Variants in SENP5 observed in about 807,000 individuals in gnomAD.
The protein encoded by SENP5 is SUMO specific peptidase 5, also known as sentrin-specific protease 5.
In SENP5, 21 loss-of-function variants were observed where a neutral mutation model predicts 74.2. That is an observed-to-expected ratio of 0.28 (90% CI 0.20 to 0.41). The LOEUF (loss-of-function observed/expected upper bound fraction) is 0.41. Among genes scored for constraint, SENP5 ranks in the 10% least tolerant of loss-of-function variants. The pLI, the probability that SENP5 is intolerant of heterozygous loss-of-function variation, is 1.00. For synonymous variants in SENP5, 311 were observed against 312.7 expected, an observed-to-expected ratio of 0.99 and a Z score of 0.06; for missense variants, 717 against 889.1, an observed-to-expected ratio of 0.81 and a Z score of 2.46.
chr3:196,878,023 T>C (rs1342672640), intron 1 of SENP5, among the ~76,000 whole-genome samples: 1 of 152,274 alleles, frequency 6.6e-6, no homozygotes, highest in South Asian at 2.1e-4. Flanking sequence ...ATTAAAACAA[T>C]GGAGGACTTA....
At chr3:196,911,121 A>C (rs1715106573) in intron 6 of SENP5, among the ~76,000 whole-genome samples, 1 of 152,230 alleles carries the variant, frequency 6.6e-6, no homozygotes, top group Non-Finnish European at 1.5e-5. Context: ...AAACCCTAGA[A>C]GAAAACCTAG....
At chr3:196,904,853 G>A (rs1714838904) in intron 6 of SENP5, 1 of 152,168 alleles carries the variant, frequency 6.6e-6, no homozygotes, top group African/African-American at 2.4e-5. Flanking sequence ...GGCAAGGAGT[G>A]TGTATGAGTG....
chr3:196,870,728 G>A (rs892088814), intron 1 of SENP5, among the ~76,000 whole-genome samples: 3 of 151,960 alleles, frequency 2.0e-5, no homozygotes, highest in South Asian at 2.1e-4. Context: ...ATGTTGGCCA[G>A]GCTGGTCTTG....
chr3:196,923,233 T>C (rs1200494661), intron 6 of SENP5, among the ~76,000 whole-genome samples, 181 bp from the exon 7 acceptor site: 3 of 152,262 alleles, frequency 2.0e-5, no homozygotes, highest in Non-Finnish European at 4.4e-5. Flanking sequence ...TATTGTTGTG[T>C]ATTATAGCTT....
Position 196,886,332 on chromosome 3 carries a change from C to T in SENP5, c.1151C>T (p.Thr384Ile), listed in dbSNP as rs779982031. 3.1e-6 allele frequency: 5 copies of T among 1,610,676 alleles called. No homozygotes were observed. The South Asian group carries it at 4.4e-5, about 14-fold the overall frequency. ...CCCTTACCAGAACATCGTTCTAATACCATGTTCATTTCAGAAACTGAAAGA... is the reference window on the plus strand; with the variant it reads ...CCCTTACCAGAACATCGTTCTAATATCATGTTCATTTCAGAAACTGAAAGA... ...DIPLPEHRSN[T>I]MFISETEREI... is the part of the protein sequence containing the mutation. The change falls in exon 2 of 10, where the codon ACC becomes ATC. Residue 384 changes from threonine to isoleucine, a missense_variant. By Grantham distance (89) the Thr-to-Ile change is moderately conservative. Around this residue, in one of 4 missense-constraint regions of SENP5, gnomAD observed 567 missense variants for 577.4 expected, o/e 0.98. Transcript: ENST00000323460.
At chr3:196,877,159 CTTAT>C in intron 1 of SENP5, among the ~76,000 whole-genome samples, 1 of 151,878 alleles carries the variant, frequency 6.6e-6, no homozygotes, top group Non-Finnish European at 1.5e-5. Context: ...ATCTTACTAC[CTTAT>C]TTTATTTTTT....
At position 196,931,172 on chromosome 3, in the gene SENP5, C is replaced by A; in HGVS notation, c.*249C>A. On this transcript the variant is annotated 3_prime_UTR_variant, in exon 10 of 10. Transcript: ENST00000323460. ...TCCCCCATATTTAATATTTATTATT[C>A]AAACGCATGCATATAGACAGAGCAT... 2 of 435,636 alleles carry A rather than the reference C, an allele frequency of 4.6e-6. No homozygotes were observed. The highest frequency in any genetic ancestry group is 8.4e-6 in the Non-Finnish European group (2 of 239,490). The allele number at this position is 435,636 out of a possible 1,614,324, so 27.0% of individuals were successfully genotyped here.
chr3:196,929,140 G>GT (rs1715925776), intron 8 of SENP5: 1 of 153,992 alleles, frequency 6.5e-6, no homozygotes, highest in East Asian at 1.9e-4. Context: ...GGGCGACAGA[G>GT]TGAGACCCTG....
Position 196,885,575 on chromosome 3 carries a change from A to C in SENP5, c.394A>C (p.Arg132=), listed in dbSNP as rs1447596673. The C allele has an allele frequency of 1.2e-6, 2 of 1,614,078 alleles. No individual in the cohort carries two copies. Among genetic ancestry groups the C allele is most frequent in the African/African-American group, 2.7e-5 (2 of 74,948 alleles). The part of the protein sequence containing the change: ...SAKNSDHEYC[R]EKNLLKAVTD... ...AAAGAATTCTGACCATGAATACTGC[A>C]GAGAGAAAAATCTCTTGAAGGCAGT... The change falls in exon 2 of 10, where the codon AGA becomes CGA. Residue 132 remains arginine (R), a synonymous_variant. Coordinates refer to ENST00000323460, the MANE Select transcript of SENP5 (RefSeq NM_152699.5).
intron 5 of SENP5, among the ~76,000 whole-genome samples, chr3:196,902,447 A>C (rs1033716387): frequency 1.3e-5 from 2 of 152,186 alleles, no homozygotes; most frequent in African/African-American, 4.8e-5. Context: ...TTCAGTCTGT[A>C]TGTTAAGCTG....
At chr3:196,890,226 A>G (rs1490297805) in intron 2 of SENP5, among the ~76,000 whole-genome samples, 1 of 152,204 alleles carries the variant, frequency 6.6e-6, no homozygotes, top group African/African-American at 2.4e-5. Context: ...GAAATAGACA[A>G]ATTCAGCAAA....
chr3:196,883,457 G>C (rs1177635569), intron 1 of SENP5, among the ~76,000 whole-genome samples: 1 of 152,092 alleles, frequency 6.6e-6, no homozygotes, highest in Admixed American at 6.6e-5. Context: ...TATCCTCCTG[G>C]TATACCCCTG....
rs149977060 is a variant in SENP5 at position 196,925,821 on chromosome 3, G to A, written c.2023-1975G>A. Among the ~76,000 whole-genome samples the A allele has an allele frequency of 8.5e-3, 1,295 of 152,164 alleles. 17 individuals are homozygous for A. Among genetic ancestry groups the A allele is most frequent in the South Asian group, 0.068 (327 of 4,808 alleles). On this transcript the variant is annotated intron_variant, in intron 7 of 9. Transcript: ENST00000323460. ...TACCTTTTCAGCAAAATTACAATTG[G>A]CCTAATAATTTTGCACATTTGCAAA...
At chr3:196,892,132 A>T (rs1020334560) in intron 2 of SENP5, among the ~76,000 whole-genome samples, 3 of 150,420 alleles carry the variant, frequency 2.0e-5, no homozygotes, top group Admixed American at 6.6e-5. Flanking sequence ...ACAGGAAATC[A>T]TTCTTTTTAA....
chr3:196,916,264 T>A (rs1715369522), intron 6 of SENP5, among the ~76,000 whole-genome samples: 1 of 150,674 alleles, frequency 6.6e-6, no homozygotes, highest in East Asian at 2.0e-4. Flanking sequence ...GAGGTGGAGG[T>A]TGCAGTGAGC....
chr3:196,921,257 T>C (rs940270666), intron 6 of SENP5, among the ~76,000 whole-genome samples: 4 of 152,218 alleles, frequency 2.6e-5, no homozygotes, highest in Non-Finnish European at 5.9e-5. Context: ...ATTTTGTATA[T>C]GCAACAGTTT....
chr3:196,891,523 T>C (rs1714198910), intron 2 of SENP5, among the ~76,000 whole-genome samples: 1 of 152,138 alleles, frequency 6.6e-6, no homozygotes, highest in Non-Finnish European at 1.5e-5. Flanking sequence ...CCCAGCACTT[T>C]AGGAGGCTGA....
At chr3:196,880,740 C>T (rs1441033119) in intron 1 of SENP5, among the ~76,000 whole-genome samples, 1 of 146,018 alleles carries the variant, frequency 6.8e-6, no homozygotes, top group Non-Finnish European at 1.5e-5. Context: ...CTCCTGGGTT[C>T]AAGCAATTCT....
At chr3:196,873,069 CTTTTTTTTTTTTTTTTTT>C (rs572160747) in intron 1 of SENP5, among the ~76,000 whole-genome samples, 1 of 108,388 alleles carries the variant, frequency 9.2e-6, no homozygotes, top group Non-Finnish European at 1.8e-5. Flanking sequence ...TGAGATTTAA[CTTTTTTTTTTTTTTTTTT>C]TTTGGAGACG....
Sources: allele counts gnomAD v4.1 joint callset (sites outside exome capture counted in the v4.1 genomes callset), GRCh38; gene constraint gnomAD v4.1.1; regional missense constraint gnomAD v4.1.1; transcripts MANE v1.5; gene names NCBI Gene and HGNC (gene_info 2026-07-23, HGNC 2026-07-21).